The following FASTKD3 variants were observed in gnomAD, a reference collection of about 807,000 sequenced individuals.
FASTKD3 encodes FAST kinase domain-containing protein 3, mitochondrial.
In FASTKD3, 47 loss-of-function variants were observed where a neutral mutation model predicts 49.7. The observed-to-expected ratio is 0.95, with a 90% CI of 0.75 to 1.21. The LOEUF (loss-of-function observed/expected upper bound fraction) is 1.21, where lower values mean the gene tolerates loss of function less well. Ranked by LOEUF, FASTKD3 falls within the 50% of genes most tolerant of loss-of-function variation. The probability of loss-of-function intolerance (pLI) is 0.00; values close to 1 mark genes in which losing one functional copy is unlikely to be tolerated. For missense variants in FASTKD3, 748 were observed against 765.7 expected (o/e 0.98, Z 0.27); for synonymous variants, 284 against 288.6 (o/e 0.98, Z 0.16).
Position 7,867,947 on chromosome 5 carries a change from C to T in FASTKD3, c.137G>A (p.Cys46Tyr). The change falls in exon 2 of 7, where the codon TGT becomes TAT. Residue 46 changes from cysteine (C) to tyrosine (Y), a missense_variant. Physicochemically the swap from Cys to Tyr is radical, Grantham distance 194. This residue lies in a region of FASTKD3 where 564 missense variants were observed against 562.8 expected (regional missense o/e 1.00). Transcript: ENST00000264669. The stretch of plus-strand genomic sequence containing the variant: ...CCCGAAAGGCTCAGGTTGTCGTGAA[C>T]ACAACCAAGGGCACAGACGCTCCTT... ...VVKERLCPWLCSRQPEPFGVK... is the reference protein window; with the variant it reads ...VVKERLCPWLYSRQPEPFGVK... The T allele has an allele frequency of 1.2e-6, 2 of 1,614,118 alleles. No homozygotes were observed. The highest frequency in any genetic ancestry group is 1.7e-6 in the Non-Finnish European group (2 of 1,179,998).
chr5:7,864,083 T>C (rs1746757450), intron 3 of FASTKD3, among the ~76,000 whole-genome samples: 1 of 152,154 alleles, frequency 6.6e-6, no homozygotes, highest in Non-Finnish European at 1.5e-5. Flanking sequence ...ACTCCTGACC[T>C]CAGGTGATCC....
intron 3 of FASTKD3, among the ~76,000 whole-genome samples, chr5:7,863,810 GAAAA>G (rs1221007623): frequency 6.6e-6 from 1 of 152,116 alleles, no homozygotes; most frequent in African/African-American, 2.4e-5. Flanking sequence ...TTGCGTGCTT[GAAAA>G]TGGCTGAGAG....
Position 7,867,676 on chromosome 5 carries a change from T to G in FASTKD3, c.408A>C (p.Arg136=). The G allele has an allele frequency of 6.2e-7, 1 of 1,614,206 alleles. No individual in the cohort carries two copies. Among genetic ancestry groups the G allele is most frequent in the South Asian group, 1.1e-5 (1 of 91,092 alleles). Residue 136 remains arginine, a synonymous_variant, in exon 2 of 7, where the codon CGA becomes CGC. Coordinates refer to ENST00000264669, the MANE Select transcript of FASTKD3 (RefSeq NM_024091.4). ...PDTMAAGALQ[R]ICEVEKKDGD... is the part of the protein sequence containing the mutation. ...CATCCTTTTTTTCCACTTCACAAAT[T>G]CGTTGTAAAGCTCCTGCTGCCATAG...
chr5:7,861,541 C>T lies in FASTKD3; in HGVS notation c.1769+42G>A, dbSNP rs558049896. On this transcript the variant is annotated intron_variant, in intron 5 of 6. Transcript: ENST00000264669. Reference sequence around the variant, plus strand: ...AAAAGATACCGCTGCTTATTAGCCTCAACGAGTCTTGTAATGTGAAAAACA... The same window carrying T: ...AAAAGATACCGCTGCTTATTAGCCTTAACGAGTCTTGTAATGTGAAAAACA... 103 of 1,399,432 alleles carry T rather than the reference C, an allele frequency of 7.4e-5. 1 individual carries two copies. The South Asian group carries it at 1.4e-3, about 19-fold the overall frequency. The allele number at this position is 1,399,432 out of a possible 1,614,324, so 86.7% of individuals were successfully genotyped here.
chr5:7,868,242 C>T (rs1747196896), intron 1 of FASTKD3, 46 bp from the exon 2 acceptor site: 6 of 560,750 alleles, frequency 1.1e-5, no homozygotes, highest in Non-Finnish European at 1.8e-5. Flanking sequence ...AACATATAAA[C>T]ACCAGAGGGG....
At position 7,861,839 on chromosome 5, in the gene FASTKD3, C is replaced by T. The variant is rs541467319; in HGVS notation, c.1700-187G>A. On this transcript the variant is annotated intron_variant, in intron 4 of 6. Coordinates refer to ENST00000264669, the MANE Select transcript of FASTKD3 (RefSeq NM_024091.4). ...TAATTCAATTGGCTTTATGATCAAT[C>T]AAGTCAGCCTTAAATTAAGAAAGCT... 832 of 1,248,994 alleles carry T rather than the reference C, an allele frequency of 6.7e-4. 3 individuals are homozygous for T. The highest frequency in any genetic ancestry group is 1.4e-3 in the Middle Eastern group (7 of 5,036). The allele number at this position is 1,248,994 out of a possible 1,614,324, so 77.4% of individuals were successfully genotyped here.
In FASTKD3 at chr5:7,865,994, A is replaced by C. The variant is rs750891242; in HGVS notation, c.1439-11T>G. 5.0e-6 allele frequency: 8 copies of C among 1,608,756 alleles called. No individual in the cohort carries two copies. The South Asian group carries it at 7.7e-5, about 16-fold the overall frequency. ...AATGAGATTCTTTACCTGAAACAGAAAGCATCCCAGTCATAGTTACGTCTG... is the reference window on the plus strand; with the variant it reads ...AATGAGATTCTTTACCTGAAACAGACAGCATCCCAGTCATAGTTACGTCTG... On this transcript the variant is annotated splice_polypyrimidine_tract_variant and intron_variant, in intron 2 of 6. Transcript: ENST00000264669.
At chr5:7,864,983 ATAG>A (rs1368111243) in intron 3 of FASTKD3, among the ~76,000 whole-genome samples, 11 of 152,218 alleles carry the variant, frequency 7.2e-5, no homozygotes, top group African/African-American at 2.4e-4. Context: ...AAGTGCATCA[ATAG>A]TAGAATAAAC....
chr5:7,865,178 C>T (rs1239818806), intron 3 of FASTKD3, among the ~76,000 whole-genome samples: 1 of 152,086 alleles, frequency 6.6e-6, no homozygotes, highest in Non-Finnish European at 1.5e-5. Flanking sequence ...GGCGTAGAAA[C>T]TGCTTTTAAT....
At chr5:7,860,602 T>C (rs924056519) in intron 6 of FASTKD3, among the ~76,000 whole-genome samples, 1 of 152,214 alleles carries the variant, frequency 6.6e-6, no homozygotes, top group African/African-American at 2.4e-5. Flanking sequence ...ATTAACAACG[T>C]TGGGATTTAA....
Position 7,867,695 on chromosome 5 carries a change from G to A in FASTKD3, c.389C>T (p.Ala130Val), listed in dbSNP as rs768954890. The stretch of plus-strand genomic sequence containing the variant: ...ACAAATTCGTTGTAAAGCTCCTGCT[G>A]CCATAGTGTCAGGCAGGGTTTCCAT... ...STMETLPDTMAAGALQRICEV... is the reference protein window; with the variant it reads ...STMETLPDTMVAGALQRICEV... The change falls in exon 2 of 7, where the codon GCA becomes GTA. Residue 130 changes from alanine to valine, a missense_variant. Coordinates refer to ENST00000264669, the MANE Select transcript of FASTKD3 (RefSeq NM_024091.4). 3.7e-6 allele frequency: 6 copies of A among 1,614,194 alleles called. No individual in the cohort carries two copies.
chr5:7,868,315 C>T (rs1439244085), intron 1 of FASTKD3, 119 bp from the exon 2 acceptor site: 1 of 473,832 alleles, frequency 2.1e-6, no homozygotes, highest in Non-Finnish European at 3.7e-6. Flanking sequence ...ATCGCTATTA[C>T]TTGCTAAACA....
At chr5:7,868,445 G>A (rs1353352829) in intron 1 of FASTKD3, among the ~76,000 whole-genome samples, 2 of 152,194 alleles carry the variant, frequency 1.3e-5, no homozygotes, top group Non-Finnish European at 2.9e-5. Context: ...AAGTGGCAGA[G>A]CTAGGGTTCA....
rs1747186309 is a variant in FASTKD3, at chr5:7,868,200, G to GAAAAAAAAAAAAGA, written c.-113-5_-113-4insTCTTTTTTTTTTTT. On this transcript the variant is annotated splice_region_variant and splice_polypyrimidine_tract_variant and intron_variant, in intron 1 of 6. Coordinates refer to ENST00000264669, the MANE Select transcript of FASTKD3 (RefSeq NM_024091.4). The stretch of plus-strand genomic sequence containing the variant: ...TTATGAAACTACAAACGAGTATCTG[G>GAAAAAAAAAAAAGA]AAAAAAAAAAAAAAAAAAAAAAAGG... 1 of 204,566 alleles carries GAAAAAAAAAAAAGA rather than the reference G, an allele frequency of 4.9e-6. No individual in the cohort carries two copies. The highest frequency in any genetic ancestry group is 1.3e-4 in the South Asian group (1 of 7,504). The allele number at this position is 204,566 out of a possible 1,614,324, so 12.7% of individuals were successfully genotyped here.
chr5:7,861,327 T>A, intron 5 of FASTKD3, 64 bp from the exon 6 acceptor site: 2 of 939,058 alleles, frequency 2.1e-6, no homozygotes, highest in Non-Finnish European at 3.1e-6. Context: ...TTATTATATA[T>A]TTTAGTTGCC....
rs1240668035 is a variant in FASTKD3, at chr5:7,868,209, A to T, written c.-113-13T>A. The stretch of plus-strand genomic sequence containing the variant: ...TACAAACGAGTATCTGGAAAAAAAA[A>T]AAAAAAAAAAAAAAGGATGGTTAAC... On this transcript the variant is annotated splice_polypyrimidine_tract_variant and intron_variant, in intron 1 of 6. Transcript: ENST00000264669. The T allele has an allele frequency of 4.8e-6, 3 of 622,146 alleles. No individual in the cohort carries two copies. The East Asian group carries it at 8.8e-5, about 18-fold the overall frequency. 38.5% of individuals were successfully genotyped at this position (622,146 alleles called of 1,614,324 possible).
At chr5:7,864,760 C>G (rs1746815334) in intron 3 of FASTKD3, among the ~76,000 whole-genome samples, 1 of 151,520 alleles carries the variant, frequency 6.6e-6, no homozygotes, top group Non-Finnish European at 1.5e-5. Context: ...GTGGAGGAGA[C>G]ATGGCCACCT....
At chr5:7,861,763 T>C in intron 4 of FASTKD3, 111 bp from the exon 5 acceptor site, 2 of 1,469,340 alleles carry the variant, frequency 1.4e-6, no homozygotes, top group Admixed American at 4.5e-5. Flanking sequence ...ATTGATCAAT[T>C]GGACTGAAGG....
chr5:7,866,537 A>G (rs1458264918), intron 2 of FASTKD3, 109 bp downstream of exon 2: 2 of 794,794 alleles, frequency 2.5e-6, no homozygotes, highest in Non-Finnish European at 4.1e-6. Flanking sequence ...TCTTCGGATC[A>G]CTATGGAAGA....
Sources: gnomAD v4.1 joint callset for allele counts (sites outside exome capture counted in the v4.1 genomes callset) on GRCh38, gnomAD v4.1.1 for gene constraint, gnomAD v4.1.1 regional missense constraint, MANE v1.5 for transcripts, NCBI Gene and HGNC (gene_info 2026-07-23, HGNC 2026-07-21) for gene names.